DNAJC13: variants seen among roughly 807,000 people sequenced by gnomAD.
The protein encoded by DNAJC13 is DnaJ heat shock protein family (Hsp40) member C13.
A neutral mutation model predicts 290.5 loss-of-function variants in DNAJC13; 75 were observed. The observed-to-expected ratio is 0.26, with a 90% CI of 0.21 to 0.31. The LOEUF is 0.31. Among genes scored for constraint, DNAJC13 ranks in the 10% least tolerant of loss-of-function variants. The pLI, the probability that DNAJC13 is intolerant of heterozygous loss-of-function variation, is 1.00. For synonymous variants in DNAJC13, 862 were observed against 892.0 expected (o/e 0.97, Z 0.60); for missense variants, 2,260 against 2,674.5 (o/e 0.85, Z 3.42).
At chr3:132,486,369 A>G (rs190612326) in intron 29 of DNAJC13, among the ~76,000 whole-genome samples, 43 of 152,064 alleles carry the variant, frequency 2.8e-4, no homozygotes, top group African/African-American at 9.6e-4. Flanking sequence ...CCATTTTTCT[A>G]AGTCTTACGA....
intron 46 of DNAJC13, chr3:132,514,909 T>C: frequency 2.8e-6 from 1 of 356,020 alleles, no homozygotes; most frequent in Admixed American, 5.4e-5. Flanking sequence ...TAACCTGGGA[T>C]TTTCAGTTTG....
intron 20 of DNAJC13, among the ~76,000 whole-genome samples, chr3:132,471,993 C>T (rs1310326006): frequency 7.4e-5 from 11 of 148,954 alleles, no homozygotes; most frequent in South Asian, 2.2e-4. Context: ...TCTGCAATCC[C>T]GGCACCTCGG....
chr3:132,441,281 C>G (rs1933060720), intron 2 of DNAJC13, among the ~76,000 whole-genome samples: 1 of 152,176 alleles, frequency 6.6e-6, no homozygotes, highest in South Asian at 2.1e-4. Flanking sequence ...TGGCTTACTT[C>G]TAGGGAACAG....
At chr3:132,503,714 CT>C (rs1935495425) in intron 41 of DNAJC13, among the ~76,000 whole-genome samples, 1 of 152,088 alleles carries the variant, frequency 6.6e-6, no homozygotes, top group Admixed American at 6.6e-5. Context: ...GACCCAGAGT[CT>C]ATTTCAAGCT....
chr3:132,496,407 C>A, intron 35 of DNAJC13, 121 bp from the exon 36 acceptor site: 1 of 966,106 alleles, frequency 1.0e-6, no homozygotes, highest in Non-Finnish European at 1.5e-6. Context: ...GGAATGAATA[C>A]CTTAATATAA....
intron 15 of DNAJC13, 26 bp downstream of exon 15, chr3:132,461,231 G>A: frequency 6.2e-7 from 1 of 1,612,418 alleles, no homozygotes; most frequent in Non-Finnish European, 8.5e-7. Context: ...TTTCTTGTCA[G>A]ATAACAGTGA....
intron 26 of DNAJC13, among the ~76,000 whole-genome samples, chr3:132,481,496 G>T (rs1934671470): frequency 6.6e-6 from 1 of 152,174 alleles, no homozygotes; most frequent in Non-Finnish European, 1.5e-5. Context: ...CAGGAGGATT[G>T]CATGAGCCTG....
At chr3:132,457,539 C>A in intron 13 of DNAJC13, 171 bp downstream of exon 13, 1 of 565,672 alleles carries the variant, frequency 1.8e-6, no homozygotes, top group Non-Finnish European at 3.1e-6. Context: ...AGGCAATGTG[C>A]TGTGTGCCAG....
At position 132,463,810 on chromosome 3, in the gene DNAJC13, A is replaced by G. The variant is rs1173713402; in HGVS notation, c.1885A>G (p.Thr629Ala). ...FTISSDQRML[T>A]NRQLSRHLVG... ...AATAAGCTCAGATCAAAGGATGCTT[A>G]CAAATAGGTAGGTGATTTAATTCAA... Residue 629 changes from threonine to alanine, a missense_variant, in exon 17 of 56, where the codon ACA (threonine) becomes GCA (alanine). This residue lies in a region of DNAJC13 where 762 missense variants were observed against 964.1 expected (regional missense o/e 0.79). Transcript: ENST00000260818. 6 of 1,608,508 alleles carry G rather than the reference A, an allele frequency of 3.7e-6. No individual in the cohort carries two copies. The highest frequency in any genetic ancestry group is 5.1e-6 in the Non-Finnish European group (6 of 1,177,618).
At chr3:132,429,944 G>A (rs1418737707) in intron 1 of DNAJC13, among the ~76,000 whole-genome samples, 1 of 152,132 alleles carries the variant, frequency 6.6e-6, no homozygotes, top group African/African-American at 2.4e-5. Context: ...AAATTATCAG[G>A]TGTGCAAATA....
intron 25 of DNAJC13, 30 bp from the exon 26 acceptor site, chr3:132,480,339 G>T: frequency 2.6e-6 from 4 of 1,518,498 alleles, no homozygotes; most frequent in Non-Finnish European, 3.7e-6. Context: ...AAAATGTTTA[G>T]ATTACGAAAA....
chr3:132,506,045 C>CTTTTTT (rs573857472), intron 42 of DNAJC13, among the ~76,000 whole-genome samples: 2,486 of 72,116 alleles, frequency 0.034, 339 homozygotes, highest in African/African-American at 0.081. Flanking sequence ...TGTACATTAT[C>CTTTTTT]TTTTTTTTTT....
chr3:132,478,443 T>C (rs1934545641), intron 24 of DNAJC13, among the ~76,000 whole-genome samples: 2 of 152,322 alleles, frequency 1.3e-5, no homozygotes, highest in Middle Eastern at 3.4e-3. Context: ...TGGTGACTTG[T>C]AGAGTTGTAT....
chr3:132,498,743 G>C (rs1397965700), intron 36 of DNAJC13, among the ~76,000 whole-genome samples: 1 of 151,036 alleles, frequency 6.6e-6, no homozygotes, highest in African/African-American at 2.4e-5. Flanking sequence ...TGAGACGGAG[G>C]CTTGCCCTGT....
At chr3:132,470,654 C>T (rs1559883522) in intron 20 of DNAJC13, among the ~76,000 whole-genome samples, 5 of 136,760 alleles carry the variant, frequency 3.7e-5, no homozygotes, top group Non-Finnish European at 6.4e-5. Context: ...GGGCGGCTGG[C>T]CGGGCGGGGG....
chr3:132,420,078 C>T (rs1457749266), intron 1 of DNAJC13, among the ~76,000 whole-genome samples: 1 of 152,198 alleles, frequency 6.6e-6, no homozygotes, highest in East Asian at 1.9e-4. Flanking sequence ...ATTTGAGAGA[C>T]AGTGCTTACA....
At chr3:132,418,148 C>G (rs1559860109) in intron 1 of DNAJC13, among the ~76,000 whole-genome samples, 1 of 152,190 alleles carries the variant, frequency 6.6e-6, no homozygotes, top group Non-Finnish European at 1.5e-5. Context: ...GCCGGCAACT[C>G]TTGTTTCCTT....
rs200719987 is a variant in DNAJC13 at position 132,447,489 on chromosome 3, C to T, written c.294+19C>T. 6.8e-5 allele frequency: 105 copies of T among 1,537,490 alleles called. No individual in the cohort carries two copies. Among genetic ancestry groups the T allele is most frequent in the Non-Finnish European group, 8.4e-5 (97 of 1,151,498 alleles). On this transcript the variant is annotated intron_variant, in intron 4 of 55. Transcript: ENST00000260818. ...AGCATTGGTAAGAAGATTCCATGTT[C>T]ATAAATAAAATTTCTTTCTTCTCTT... is the stretch of plus-strand genomic sequence containing the variant.
chr3:132,469,741 T>A (rs986762616), intron 20 of DNAJC13, among the ~76,000 whole-genome samples: 1 of 152,044 alleles, frequency 6.6e-6, no homozygotes, highest in Non-Finnish European at 1.5e-5. Context: ...AAACATTTTC[T>A]TATATAACTT....
Sources: allele counts gnomAD v4.1 joint callset (sites outside exome capture counted in the v4.1 genomes callset), GRCh38; gene constraint gnomAD v4.1.1; regional missense constraint gnomAD v4.1.1; transcripts MANE v1.5; gene names NCBI Gene and HGNC (gene_info 2026-07-23, HGNC 2026-07-21).